SLC25A48: variants seen among roughly 807,000 people sequenced by gnomAD.
The protein encoded by SLC25A48 is solute carrier family 25 member 48.
In SLC25A48, 29 loss-of-function variants were observed where a neutral mutation model predicts 32.2. The ratio of observed to expected loss-of-function variants is 0.90; its 90% CI spans 0.67 to 1.23. SLC25A48 has a LOEUF of 1.23. Among genes scored for constraint, SLC25A48 ranks in the 50% most tolerant of loss-of-function variants. The probability of loss-of-function intolerance (pLI) is 0.00; values close to 1 mark genes in which losing one functional copy is unlikely to be tolerated. For synonymous variants in SLC25A48, 164 were observed against 172.3 expected (o/e 0.95, Z 0.38); for missense variants, 399 against 422.7 (o/e 0.94, Z 0.49).
intron 3 of SLC25A48, among the ~76,000 whole-genome samples, chr5:135,716,311 G>A (rs556996263): frequency 9.9e-5 from 15 of 152,254 alleles, no homozygotes; most frequent in South Asian, 6.2e-4. Flanking sequence ...TCCACCACCC[G>A]CTCCACTGTG....
intron 4 of SLC25A48, chr5:135,827,482 T>G (rs1214476737): frequency 6.6e-6 from 1 of 152,228 alleles, no homozygotes; most frequent in Non-Finnish European, 1.5e-5. Context: ...CCCATTGGGT[T>G]TGGGGATTTG....
Position 135,611,380 on chromosome 5 carries a change from T to G in SLC25A48, c.-848-17857T>G, listed in dbSNP as rs374020911. On this transcript the variant is annotated intron_variant, in intron 1 of 10. Coordinates refer to the SLC25A48 transcript ENST00000646290. ...CAAAAACAAAATTAGCTGGTCTTGGTGGTGTGCGCTTGTAGTCCCAGCTAC... is the reference window on the plus strand; with the variant it reads ...CAAAAACAAAATTAGCTGGTCTTGGGGGTGTGCGCTTGTAGTCCCAGCTAC... Among the ~76,000 whole-genome samples, 25 of 149,240 alleles carry G rather than the reference T, an allele frequency of 1.7e-4. 1 individual carries two copies. The highest frequency in any genetic ancestry group is 5.9e-4 in the African/African-American group (24 of 40,666).
intron 3 of SLC25A48, among the ~76,000 whole-genome samples, chr5:135,716,405 T>G (rs1022477814): frequency 5.3e-5 from 8 of 152,150 alleles, no homozygotes; most frequent in South Asian, 2.1e-4. Flanking sequence ...TAATCTGGGT[T>G]TCAAGAAGAG....
intron 3 of SLC25A48, among the ~76,000 whole-genome samples, chr5:135,787,726 A>C (rs1756885038): frequency 6.6e-6 from 1 of 151,132 alleles, no homozygotes; most frequent in African/African-American, 2.4e-5. Flanking sequence ...CATTTTAGGG[A>C]TATGTTACTC....
At chr5:135,696,623 G>T (rs568169680) in intron 3 of SLC25A48, among the ~76,000 whole-genome samples, 5 of 152,222 alleles carry the variant, frequency 3.3e-5, no homozygotes, top group Admixed American at 1.3e-4. Flanking sequence ...AACTAGGACA[G>T]GTCCTGGATT....
intron 3 of SLC25A48, among the ~76,000 whole-genome samples, chr5:135,694,217 G>A (rs1484883643): frequency 2.6e-5 from 4 of 152,166 alleles, no homozygotes; most frequent in African/African-American, 9.7e-5. Flanking sequence ...TCTCCTGGGC[G>A]GCCTGGTATG....
intron 3 of SLC25A48, among the ~76,000 whole-genome samples, chr5:135,765,192 T>C (rs187870942): frequency 1.3e-5 from 2 of 151,858 alleles, no homozygotes; most frequent in African/African-American, 4.8e-5. Flanking sequence ...TACACCCCTC[T>C]GTTTTATGGT....
At chr5:135,681,386 T>C (rs1413484895) in intron 3 of SLC25A48, among the ~76,000 whole-genome samples, 1 of 152,272 alleles carries the variant, frequency 6.6e-6, no homozygotes, top group Non-Finnish European at 1.5e-5. Context: ...TTTCAGATAT[T>C]GTATTTTTTA....
At chr5:135,771,570 T>C (rs953357067) in intron 3 of SLC25A48, among the ~76,000 whole-genome samples, 2 of 151,684 alleles carry the variant, frequency 1.3e-5, no homozygotes, top group African/African-American at 4.8e-5. Flanking sequence ...TCCTGTGATA[T>C]GGTTCCTAAT....
intron 3 of SLC25A48, among the ~76,000 whole-genome samples, chr5:135,718,130 C>A (rs2126980282): frequency 6.6e-6 from 1 of 152,108 alleles, no homozygotes; most frequent in Non-Finnish European, 1.5e-5. Flanking sequence ...TCCTCAGCCT[C>A]CTGGGTAGCT....
rs1201111187 is a variant in SLC25A48 at position 135,784,182 on chromosome 5, A to G, written c.-520-28341A>G. Reference sequence around the variant, plus strand: ...GGACGACATTACTTTCAATATTGCAATAAGCGTACACCCTAACACTGCTTT... The same window carrying G: ...GGACGACATTACTTTCAATATTGCAGTAAGCGTACACCCTAACACTGCTTT... On this transcript the variant is annotated intron_variant, in intron 3 of 10. Transcript: ENST00000646290. Among the ~76,000 whole-genome samples the G allele has an allele frequency of 2.6e-5, 3 of 116,372 alleles. 1 individual carries two copies. Among genetic ancestry groups the G allele is most frequent in the Admixed American group, 8.8e-5 (1 of 11,376 alleles). 76.3% of individuals were successfully genotyped at this position (116,372 alleles called of 152,430 possible).
rs144796934 is a variant in SLC25A48 at position 135,732,055 on chromosome 5, A to G, written c.-520-80468A>G. Reference sequence around the variant, plus strand: ...AAAAGGAGTGTCCATACAGGAGCTCAAATGGGCTGTACCCTGTAGCATTCC... The same window carrying G: ...AAAAGGAGTGTCCATACAGGAGCTCGAATGGGCTGTACCCTGTAGCATTCC... On this transcript the variant is annotated intron_variant, in intron 3 of 10. Transcript: ENST00000646290. Among the ~76,000 whole-genome samples, 818 of 152,390 alleles carry G rather than the reference A, an allele frequency of 5.4e-3. 1 individual carries two copies. The highest frequency in any genetic ancestry group is 8.0e-3 in the Non-Finnish European group (543 of 68,036).
At chr5:135,869,317 G>A (rs932700431) in intron 4 of SLC25A48, among the ~76,000 whole-genome samples, 1 of 152,178 alleles carries the variant, frequency 6.6e-6, no homozygotes, top group Non-Finnish European at 1.5e-5. Context: ...TGCACTAACA[G>A]CCATAAATGG....
At chr5:135,770,729 T>C (rs1756385990) in intron 3 of SLC25A48, among the ~76,000 whole-genome samples, 1 of 151,568 alleles carries the variant, frequency 6.6e-6, no homozygotes, top group Non-Finnish European at 1.5e-5. Context: ...AAGAGGTGTA[T>C]ACCACCCCTG....
At chr5:135,881,206 A>C (rs1206377229) in intron 7 of SLC25A48, among the ~76,000 whole-genome samples, 2 of 152,238 alleles carry the variant, frequency 1.3e-5, no homozygotes, top group Non-Finnish European at 2.9e-5. Context: ...TGTGGACTGA[A>C]CTTTCTAGTC....
intron 3 of SLC25A48, among the ~76,000 whole-genome samples, chr5:135,728,210 C>T (rs1038350061): frequency 1.3e-5 from 2 of 149,300 alleles, no homozygotes; most frequent in Non-Finnish European, 3.0e-5. Flanking sequence ...GGGCTGAGAT[C>T]GCGCCACTGC....
intron 3 of SLC25A48, among the ~76,000 whole-genome samples, chr5:135,737,597 T>G (rs1042189453): frequency 2.0e-5 from 3 of 152,170 alleles, no homozygotes; most frequent in Admixed American, 6.5e-5. Context: ...AACTTAAAGA[T>G]GGAAACCTGG....
At chr5:135,796,457 C>T (rs1314484607) in intron 3 of SLC25A48, among the ~76,000 whole-genome samples, 2 of 151,572 alleles carry the variant, frequency 1.3e-5, no homozygotes, top group Non-Finnish European at 2.9e-5. Flanking sequence ...TGATATTACT[C>T]CCCATATCCC....
intron 3 of SLC25A48, among the ~76,000 whole-genome samples, chr5:135,715,234 G>T (rs759420067): frequency 1.1e-4 from 17 of 152,218 alleles, no homozygotes; most frequent in Non-Finnish European, 2.4e-4. Flanking sequence ...TATTTACAAT[G>T]GGTTCCTTGT....
Sources: allele counts gnomAD v4.1 joint callset (sites outside exome capture counted in the v4.1 genomes callset), GRCh38; gene constraint gnomAD v4.1.1; transcripts MANE v1.5; gene names NCBI Gene and HGNC (gene_info 2026-07-23, HGNC 2026-07-21).